Variants in NLGN1 observed in about 807,000 individuals in gnomAD.
The protein encoded by NLGN1 is neuroligin-1.
Under a neutral mutation model 65.5 loss-of-function variants are expected in NLGN1, and 12 were observed. The observed-to-expected ratio is 0.18, with a 90% confidence interval of 0.12 to 0.30. The LOEUF is 0.30. Ranked by LOEUF, NLGN1 falls within the 10% of genes least tolerant of loss-of-function variation. The pLI, the probability that NLGN1 is intolerant of heterozygous loss-of-function variation, is 1.00. For synonymous variants in NLGN1, 350 were observed against 359.5 expected (o/e 0.97, Z 0.30); for missense variants, 750 against 1,007.1 (o/e 0.74, Z 3.46).
intron 4 of NLGN1, among the ~76,000 whole-genome samples, chr3:173,857,252 G>T (rs1728164255): frequency 6.6e-6 from 1 of 152,110 alleles, no homozygotes; most frequent in Non-Finnish European, 1.5e-5. Flanking sequence ...ACTGTTGATA[G>T]AATTTGAATC....
chr3:173,431,354 T>A (rs942909928), intron 1 of NLGN1, among the ~76,000 whole-genome samples: 1 of 152,050 alleles, frequency 6.6e-6, no homozygotes, highest in Non-Finnish European at 1.5e-5. Flanking sequence ...ATAAGAGTAG[T>A]TTGGGGCAAA....
chr3:174,263,542 C>G (rs1161970405), intron 4 of NLGN1, among the ~76,000 whole-genome samples: 1 of 151,532 alleles, frequency 6.6e-6, no homozygotes, highest in Non-Finnish European at 1.5e-5. Context: ...CTTGGTAGAT[C>G]TTCCTCCATC....
intron 4 of NLGN1, among the ~76,000 whole-genome samples, chr3:173,875,822 C>A (rs1437987329): frequency 6.6e-6 from 1 of 152,100 alleles, no homozygotes; most frequent in Non-Finnish European, 1.5e-5. Flanking sequence ...AACATTTTAT[C>A]TAATCTAATG....
rs1205542194 is a variant in NLGN1, at chr3:174,280,924, A to T, written c.2093A>T (p.Tyr698Phe). The change falls in exon 7 of 7, where the codon TAC (tyrosine) becomes TTC (phenylalanine). Residue 698 changes from tyrosine (Y) to phenylalanine (F), a missense_variant. By Grantham distance (22) the Tyr-to-Phe change is conservative (BLOSUM62 3). Coordinates refer to ENST00000457714, the Ensembl canonical transcript of NLGN1. The surrounding 1 kb of genome is among the most constrained non-coding windows in gnomAD (Gnocchi z 4.9). ...AACATCTTGGCCTTTGCAGCCCTGTACTACAAAAAGGATAAGAGGAGACAT... is the reference window on the plus strand; with the variant it reads ...AACATCTTGGCCTTTGCAGCCCTGTTCTACAAAAAGGATAAGAGGAGACAT... 2 of 1,613,354 alleles carry T rather than the reference A, an allele frequency of 1.2e-6. No homozygotes were observed.
intron 2 of NLGN1, among the ~76,000 whole-genome samples, chr3:173,539,558 A>AT (rs1560405201): frequency 7.0e-6 from 1 of 143,332 alleles, no homozygotes; most frequent in Non-Finnish European, 1.5e-5. Flanking sequence ...ATATATACAT[A>AT]ATATATATAA....
upstream of NLGN1, among the ~76,000 whole-genome samples, chr3:173,397,196 A>G (rs150351929): frequency 0.014 from 2,121 of 152,308 alleles, 17 homozygotes; most frequent in Non-Finnish European, 0.021. Context: ...GGAGGAGTCC[A>G]CAGTGGAGGA....
chr3:174,025,324 A>G (rs1407258802), intron 4 of NLGN1, among the ~76,000 whole-genome samples: 1 of 152,216 alleles, frequency 6.6e-6, no homozygotes, highest in African/African-American at 2.4e-5. Context: ...AAAAGCACAA[A>G]TCAATTGTGC....
intron 2 of NLGN1, among the ~76,000 whole-genome samples, chr3:173,492,476 GA>G (rs1378159883): frequency 6.6e-6 from 1 of 151,598 alleles, no homozygotes; most frequent in Non-Finnish European, 1.5e-5. Flanking sequence ...TTTGATTGAA[GA>G]AAAAAATGAA....
At chr3:174,110,656 C>T (rs1230812894) in intron 4 of NLGN1, among the ~76,000 whole-genome samples, 2 of 151,836 alleles carry the variant, frequency 1.3e-5, no homozygotes, top group Admixed American at 6.6e-5. Flanking sequence ...TAATGAAAAG[C>T]GTTAAAGGAC....
Position 173,722,701 on chromosome 3 carries a change from C to T in NLGN1, c.494-84979C>T, listed in dbSNP as rs917957946. Among the ~76,000 whole-genome samples, 25 of 152,154 alleles carry T rather than the reference C, an allele frequency of 1.6e-4. No individual in the cohort carries two copies. The South Asian group carries it at 1.7e-3, about 10-fold the overall frequency. ...CATGACCATGACAAAATTACTTAATCTCCCTTTTCCTCACATTTTTCATCA... is the reference window on the plus strand; with the variant it reads ...CATGACCATGACAAAATTACTTAATTTCCCTTTTCCTCACATTTTTCATCA... On this transcript the variant is annotated intron_variant, in intron 3 of 6. Coordinates refer to ENST00000457714, the Ensembl canonical transcript of NLGN1.
intron 4 of NLGN1, chr3:174,057,682 A>C (rs1306300782): frequency 6.6e-6 from 1 of 151,850 alleles, no homozygotes; most frequent in Non-Finnish European, 1.5e-5. Context: ...TCACCCATTG[A>C]TTTTCCAGTT....
chr3:173,447,721 C>T (rs1175161321), intron 2 of NLGN1, among the ~76,000 whole-genome samples: 1 of 152,088 alleles, frequency 6.6e-6, no homozygotes, highest in Non-Finnish European at 1.5e-5. Context: ...TTGTTTGTAT[C>T]CTCTTTTATT....
At chr3:173,582,265 C>G (rs943642377) in intron 2 of NLGN1, among the ~76,000 whole-genome samples, 9 of 151,932 alleles carry the variant, frequency 5.9e-5, no homozygotes, top group Non-Finnish European at 1.3e-4. Flanking sequence ...TTTTGTCCAG[C>G]TATTTATCTG....
intron 2 of NLGN1, among the ~76,000 whole-genome samples, chr3:173,560,297 TG>T (rs1402574811): frequency 6.7e-6 from 1 of 148,892 alleles, no homozygotes; most frequent in Non-Finnish European, 1.5e-5. Context: ...AAATATGGAA[TG>T]GCAAGGAAAC....
chr3:174,123,288 T>A (rs1187797904), intron 4 of NLGN1, among the ~76,000 whole-genome samples: 1 of 152,078 alleles, frequency 6.6e-6, no homozygotes, highest in African/African-American at 2.4e-5. Flanking sequence ...ACATTGGGAT[T>A]TGTTGCTGGT....
At chr3:173,766,341 C>T (rs1207392151) in intron 3 of NLGN1, among the ~76,000 whole-genome samples, 2 of 151,980 alleles carry the variant, frequency 1.3e-5, no homozygotes, top group Non-Finnish European at 2.9e-5. Context: ...TGCCCACCTA[C>T]GCCTCCCAAA....
intron 4 of NLGN1, among the ~76,000 whole-genome samples, chr3:173,820,431 A>G (rs1720052003): frequency 6.6e-6 from 1 of 152,138 alleles, no homozygotes; most frequent in Admixed American, 6.5e-5. Flanking sequence ...TAAACATGAA[A>G]ATAGTGTTGA....
chr3:173,556,200 TC>T (rs1476483190), intron 2 of NLGN1, among the ~76,000 whole-genome samples: 3 of 152,134 alleles, frequency 2.0e-5, no homozygotes, highest in Non-Finnish European at 4.4e-5. Flanking sequence ...TCATCAGTCT[TC>T]CTAATGTTTT....
At chr3:173,931,424 T>C (rs1267798161) in intron 4 of NLGN1, among the ~76,000 whole-genome samples, 1 of 152,110 alleles carries the variant, frequency 6.6e-6, no homozygotes, top group Non-Finnish European at 1.5e-5. Context: ...TCAAATAGAT[T>C]GGTCATGGAA....
Sources: gnomAD v4.1 joint callset for allele counts (sites outside exome capture counted in the v4.1 genomes callset) on GRCh38, gnomAD v4.1.1 for gene constraint, Gnocchi (gnomAD v3.1) non-coding constraint, MANE v1.5 for transcripts, NCBI Gene and HGNC (gene_info 2026-07-23, HGNC 2026-07-21) for gene names.